TMTC4: variants seen among roughly 807,000 people sequenced by gnomAD.
TMTC4 encodes the protein protein O-mannosyl-transferase TMTC4.
In TMTC4, 65 loss-of-function variants were observed where a neutral mutation model predicts 86.0. The ratio of observed to expected loss-of-function variants is 0.76; its 90% CI spans 0.62 to 0.93. TMTC4 has a LOEUF of 0.93. TMTC4 is among the 40% of genes least tolerant of loss of function. The pLI is 0.00. For missense variants in TMTC4, 866 were observed against 948.1 expected, an observed-to-expected ratio of 0.91 and a Z score of 1.14; for synonymous variants, 379 against 382.5, an observed-to-expected ratio of 0.99 and a Z score of 0.11.
At chr13:100,623,640 GTTTTGTTTTTTT>G (rs1024133881) in intron 15 of TMTC4, among the ~76,000 whole-genome samples, 15 of 96,182 alleles carry the variant, frequency 1.6e-4, no homozygotes, top group African/African-American at 3.4e-4. Flanking sequence ...TACTAGTTGG[GTTTTGTTTTTTT>G]TTTTTTTTTT....
chr13:100,665,920 T>A (rs890323077), intron 3 of TMTC4: 6 of 431,762 alleles, frequency 1.4e-5, no homozygotes, highest in Admixed American at 5.1e-5. Context: ...GAAGGTCATG[T>A]GAGGCACCTG....
chr13:100,624,888 T>C (rs1291456405), intron 15 of TMTC4: 3 of 152,382 alleles, frequency 2.0e-5, no homozygotes, highest in Non-Finnish European at 4.4e-5. Context: ...CAACCATTCG[T>C]GTTTAAAGAA....
At chr13:100,648,875 A>C (rs1054892909) in intron 6 of TMTC4, among the ~76,000 whole-genome samples, 13 of 152,074 alleles carry the variant, frequency 8.5e-5, no homozygotes, top group African/African-American at 2.9e-4. Flanking sequence ...TTTGTCGAGA[A>C]AGGGGGTCTC....
chr13:100,668,008 T>C (rs985362419), intron 3 of TMTC4, among the ~76,000 whole-genome samples: 1 of 152,212 alleles, frequency 6.6e-6, no homozygotes, highest in African/African-American at 2.4e-5. Flanking sequence ...ATTCTGCAAG[T>C]TCAGCAACAC....
chr13:100,663,090 C>T lies in TMTC4; in HGVS notation c.426G>A (p.Val142=), dbSNP rs1885985596. Residue 142 remains valine (V), a synonymous_variant, in exon 5 of 19, where the codon GTG becomes GTA. Coordinates refer to ENST00000342624, the MANE Select transcript of TMTC4 (RefSeq NM_032813.5). ...LLHSGISVLM[V]DVFSVLFGGL... ...CGCCAAACAGAACCGAGAAGACGTC[C>T]ACCATGAGGACAGAGATGCCACTGT... 3.1e-6 allele frequency: 5 copies of T among 1,614,208 alleles called. No homozygotes were observed. The Middle Eastern group carries it at 4.9e-4, about 160-fold the overall frequency.
rs370506298 is a variant in TMTC4, at chr13:100,625,528, C to T, written c.1836+7G>A. 7.9e-5 allele frequency: 128 copies of T among 1,613,364 alleles called. No individual in the cohort carries two copies. In the African/African-American group the frequency reaches 1.4e-3, roughly 17 times the overall value. ...CCTTCCACAGGCACAGGGCACCCCG[C>T]GCTTACCAGACGCCCGAGGTTGTAG... is the stretch of plus-strand genomic sequence containing the variant. On this transcript the variant is annotated splice_region_variant and intron_variant, in intron 15 of 18. Transcript: ENST00000342624.
chr13:100,618,472 ATCTC>A (rs1199273283), intron 15 of TMTC4, among the ~76,000 whole-genome samples: 75 of 119,660 alleles, frequency 6.3e-4, no homozygotes, highest in Admixed American at 2.3e-3. Context: ...TTTTTTTTTA[ATCTC>A]TCTCTCTCTC....
chr13:100,661,888 A>G lies in TMTC4; in HGVS notation c.552+1076T>C, dbSNP rs561862270. The stretch of plus-strand genomic sequence containing the variant: ...AGAAGTCTACTGTGAGGGAAGTAAT[A>G]AAGTGTATGTGATTATTTTAGGCAC... On this transcript the variant is annotated intron_variant, in intron 5 of 18. Coordinates refer to ENST00000342624, the MANE Select transcript of TMTC4 (RefSeq NM_032813.5). Among the ~76,000 whole-genome samples the G allele has an allele frequency of 7.2e-5, 11 of 152,324 alleles. No individual in the cohort carries two copies. In the East Asian group the frequency reaches 2.1e-3, roughly 30 times the overall value.
intron 17 of TMTC4, among the ~76,000 whole-genome samples, chr13:100,611,415 C>T (rs527362473): frequency 6.6e-6 from 1 of 152,170 alleles, no homozygotes; most frequent in South Asian, 2.1e-4. Context: ...GAAACCCTGT[C>T]TCTTCTAAAA....
intron 15 of TMTC4, among the ~76,000 whole-genome samples, chr13:100,620,827 TAAAACAAA>T (rs1879357235): frequency 6.6e-6 from 1 of 151,558 alleles, no homozygotes; most frequent in Admixed American, 6.6e-5. Context: ...AGTGATTTCT[TAAAACAAA>T]CAAACAAACA....
At chr13:100,651,001 G>C (rs1440468758) in intron 6 of TMTC4, among the ~76,000 whole-genome samples, 2 of 152,184 alleles carry the variant, frequency 1.3e-5, no homozygotes, top group African/African-American at 4.8e-5. Flanking sequence ...AGCTTAAGGG[G>C]AGCTATATAG....
chr13:100,611,961 GC>G (rs1404293137), intron 17 of TMTC4, among the ~76,000 whole-genome samples: 3 of 152,216 alleles, frequency 2.0e-5, no homozygotes, highest in Non-Finnish European at 4.4e-5. Context: ...GATGGAACCT[GC>G]AGATAAAACC....
At chr13:100,645,511 T>A (rs917390490) in intron 6 of TMTC4, among the ~76,000 whole-genome samples, 2 of 151,536 alleles carry the variant, frequency 1.3e-5, no homozygotes, top group Non-Finnish European at 2.9e-5. Context: ...TGTGAGCAGG[T>A]AAGCCCGGTT....
chr13:100,666,088 A>T (rs924751068), intron 3 of TMTC4: 1 of 456,218 alleles, frequency 2.2e-6, no homozygotes, highest in East Asian at 6.9e-5. Context: ...GATTAAGTGG[A>T]GCCTCCACAG....
chr13:100,670,348 A>G lies in TMTC4; in HGVS notation c.3+12T>C. On this transcript the variant is annotated intron_variant, in intron 2 of 18. Coordinates refer to ENST00000342624, the MANE Select transcript of TMTC4 (RefSeq NM_032813.5). Reference sequence around the variant, plus strand: ...GAAGATGGAGACAGATCCAACAGGCAACGGGACACACCATTCCATGGTGAT... The same window carrying G: ...GAAGATGGAGACAGATCCAACAGGCGACGGGACACACCATTCCATGGTGAT... The G allele has an allele frequency of 6.2e-7, 1 of 1,609,514 alleles. No individual in the cohort carries two copies. Among genetic ancestry groups the G allele is most frequent in the African/African-American group, 1.3e-5 (1 of 74,806 alleles).
chr13:100,666,640 A>G (rs894410316), intron 3 of TMTC4, among the ~76,000 whole-genome samples: 1 of 152,260 alleles, frequency 6.6e-6, no homozygotes, highest in Non-Finnish European at 1.5e-5. Flanking sequence ...CAAAATGAAT[A>G]ATGGAATTTA....
At chr13:100,610,833 C>A (rs916299888) in intron 17 of TMTC4, among the ~76,000 whole-genome samples, 4 of 152,178 alleles carry the variant, frequency 2.6e-5, no homozygotes, top group Non-Finnish European at 5.9e-5. Flanking sequence ...TGGAGGAGAA[C>A]TGAGACTTGG....
At chr13:100,636,885 G>C (rs1345445465) in intron 9 of TMTC4, 151 bp from the exon 10 acceptor site, 1 of 751,410 alleles carries the variant, frequency 1.3e-6, no homozygotes. Flanking sequence ...TATTGGGTAT[G>C]TGACTATAGT....
At chr13:100,652,855 G>A (rs569927837) in intron 6 of TMTC4, among the ~76,000 whole-genome samples, 7 of 152,348 alleles carry the variant, frequency 4.6e-5, no homozygotes, top group African/African-American at 1.7e-4. Context: ...CCCCTCAGGG[G>A]CATGAACTTT....
Sources: allele counts gnomAD v4.1 joint callset (sites outside exome capture counted in the v4.1 genomes callset), GRCh38; gene constraint gnomAD v4.1.1; transcripts MANE v1.5; gene names NCBI Gene and HGNC (gene_info 2026-07-23, HGNC 2026-07-21).